Variants in BMAL2 observed in about 807,000 individuals in gnomAD.
BMAL2 encodes basic helix-loop-helix ARNT-like protein 2.
the BMAL2 span, chr12:27,424,753 G>A: frequency 1.3e-5 from 2 of 152,182 alleles, no homozygotes; most frequent in Admixed American, 6.5e-5. Context: ...CAGACAGGCC[G>A]ACATCTATGA....
At chr12:27,407,620 A>G in the BMAL2 span, among the ~76,000 whole-genome samples, 1 of 152,186 alleles carries the variant, frequency 6.6e-6, no homozygotes, top group Non-Finnish European at 1.5e-5. Context: ...TTATAGCACT[A>G]AATGCCCACA....
the BMAL2 span, among the ~76,000 whole-genome samples, chr12:27,409,492 G>A: frequency 6.6e-6 from 1 of 152,126 alleles, no homozygotes; most frequent in Non-Finnish European, 1.5e-5. Context: ...GAAGAAATGG[G>A]GAAAGGATTC....
At chr12:27,405,794 C>T in the BMAL2 span, among the ~76,000 whole-genome samples, 9 of 151,980 alleles carry the variant, frequency 5.9e-5, no homozygotes, top group South Asian at 2.1e-4. Context: ...CAAACTACTC[C>T]GAGCTAAAGG....
the BMAL2 span, among the ~76,000 whole-genome samples, chr12:27,346,292 A>T: frequency 1.3e-5 from 2 of 152,090 alleles, no homozygotes; most frequent in Admixed American, 1.3e-4. Context: ...GCGGAGTCTC[A>T]CTCTGTCACC....
At chr12:27,403,744 A>G in the BMAL2 span, among the ~76,000 whole-genome samples, 53 of 152,306 alleles carry the variant, frequency 3.5e-4, 1 homozygote, top group Admixed American at 3.3e-3. Context: ...TAAAATTCAC[A>G]AAGATATATA....
At chr12:27,350,243 T>C in the BMAL2 span, among the ~76,000 whole-genome samples, 1 of 152,224 alleles carries the variant, frequency 6.6e-6, no homozygotes, top group Admixed American at 6.5e-5. Context: ...CAATCAGTTA[T>C]CAGGTATGGA....
At chr12:27,345,640 G>A in the BMAL2 span, among the ~76,000 whole-genome samples, 2 of 152,066 alleles carry the variant, frequency 1.3e-5, no homozygotes, top group African/African-American at 2.4e-5. Context: ...TGTCACAGAC[G>A]CATGCCACCA....
chr12:27,374,750 G>T, the BMAL2 span, among the ~76,000 whole-genome samples: 1 of 152,178 alleles, frequency 6.6e-6, no homozygotes, highest in African/African-American at 2.4e-5. Context: ...GCACCAGCCT[G>T]CATTGAGTAG....
chr12:27,371,893 T>A, the BMAL2 span, among the ~76,000 whole-genome samples: 16 of 152,326 alleles, frequency 1.1e-4, no homozygotes, highest in African/African-American at 3.8e-4. Flanking sequence ...AGCATTCCCA[T>A]TCTCCTCTCT....
At chr12:27,333,680 C>G in the BMAL2 span, among the ~76,000 whole-genome samples, 2 of 152,258 alleles carry the variant, frequency 1.3e-5, no homozygotes, top group South Asian at 2.1e-4. Flanking sequence ...GGGCCACACT[C>G]CGGGATCGCA....
the BMAL2 span, among the ~76,000 whole-genome samples, chr12:27,354,202 T>G: frequency 6.6e-6 from 1 of 151,978 alleles, no homozygotes; most frequent in African/African-American, 2.4e-5. Flanking sequence ...ACAAAGAAAA[T>G]GTGGTACATA....
At chr12:27,392,632 A>G in the BMAL2 span, among the ~76,000 whole-genome samples, 1 of 125,028 alleles carries the variant, frequency 8.0e-6, no homozygotes, top group Non-Finnish European at 1.8e-5. Context: ...TCCATCCATA[A>G]GGATCCAATC....
the BMAL2 span, chr12:27,368,153 T>A: frequency 7.1e-7 from 1 of 1,399,610 alleles, no homozygotes. Context: ...TTAGCTGGTA[T>A]TTTTTAAATA....
the BMAL2 span, among the ~76,000 whole-genome samples, chr12:27,370,420 G>A: frequency 6.6e-6 from 1 of 152,086 alleles, no homozygotes; most frequent in Non-Finnish European, 1.5e-5. Context: ...GTCAAAGTAC[G>A]TGGTGCTGAC....
chr12:27,335,074 GAAA>G, the BMAL2 span, among the ~76,000 whole-genome samples: 1 of 152,196 alleles, frequency 6.6e-6, no homozygotes, highest in Non-Finnish European at 1.5e-5. Flanking sequence ...AACGCTCAAC[GAAA>G]CCTCTAGGAG....
At chr12:27,374,191 A>C in the BMAL2 span, among the ~76,000 whole-genome samples, 1 of 152,190 alleles carries the variant, frequency 6.6e-6, no homozygotes, top group Non-Finnish European at 1.5e-5. Context: ...TTTGAAATTG[A>C]AGTAATGTAT....
At chr12:27,385,617 G>A in the BMAL2 span, 6 of 1,194,130 alleles carry the variant, frequency 5.0e-6, no homozygotes, top group African/African-American at 1.5e-5. Flanking sequence ...TGTTTGAATA[G>A]GAGGCAGATT....
the BMAL2 span, among the ~76,000 whole-genome samples, chr12:27,392,370 A>G: frequency 2.0e-5 from 3 of 152,182 alleles, no homozygotes; most frequent in African/African-American, 7.2e-5. Flanking sequence ...GACAGTGCAG[A>G]GCCGATGGCA....
chr12:27,403,058 G>T, the BMAL2 span, among the ~76,000 whole-genome samples: 3 of 152,162 alleles, frequency 2.0e-5, no homozygotes, highest in Non-Finnish European at 4.4e-5. Flanking sequence ...CTTGTCAATT[G>T]TGACACTCTT....
Sources: gnomAD v4.1 joint callset for allele counts (sites outside exome capture counted in the v4.1 genomes callset) on GRCh38, gnomAD v4.1.1 for gene constraint, MANE v1.5 for transcripts, NCBI Gene and HGNC (gene_info 2026-07-23, HGNC 2026-07-21) for gene names.